MGAM: variants seen among roughly 807,000 people sequenced by gnomAD.
The protein encoded by MGAM is alpha-1,4-glucosidase.
A neutral mutation model predicts 358.8 loss-of-function variants in MGAM; 253 were observed. The ratio of observed to expected loss-of-function variants is 0.71; its 90% CI spans 0.64 to 0.78. The LOEUF (loss-of-function observed/expected upper bound fraction) is 0.78. Among genes scored for constraint, MGAM ranks in the 30% least tolerant of loss-of-function variants. The pLI is 0.00. For missense variants in MGAM, 3,080 were observed against 3,432.6 expected, an observed-to-expected ratio of 0.90 and a Z score of 2.57; for synonymous variants, 1,105 against 1,227.1, an observed-to-expected ratio of 0.90 and a Z score of 2.08.
chr7:142,060,260 T>C (rs1812005020), intron 33 of MGAM, 51 bp from the exon 34 acceptor site: 8 of 1,594,184 alleles, frequency 5.0e-6, no homozygotes, highest in Admixed American at 5.0e-5. Context: ...GGAAATACTA[T>C]GTAAGGGAAA....
At chr7:142,033,889 C>G (rs1807732930) in intron 14 of MGAM, among the ~76,000 whole-genome samples, 1 of 152,134 alleles carries the variant, frequency 6.6e-6, no homozygotes, top group Non-Finnish European at 1.5e-5. Context: ...AATATATGAT[C>G]AGGGGAGAGA....
At chr7:142,056,597 T>G (rs1488197380) in intron 29 of MGAM, among the ~76,000 whole-genome samples, 1 of 152,110 alleles carries the variant, frequency 6.6e-6, no homozygotes, top group East Asian at 1.9e-4. Context: ...AATAATAATT[T>G]TATAAGAGTA....
At chr7:142,041,901 TATATTATATATATA>T (rs1808640403) in intron 21 of MGAM, among the ~76,000 whole-genome samples, 1 of 41,396 alleles carries the variant, frequency 2.4e-5, no homozygotes, top group Non-Finnish European at 3.7e-5. Flanking sequence ...ATATAATATA[TATATTATATATATA>T]CGTATAATAT....
At chr7:142,017,662 A>C (rs1806077089) in intron 3 of MGAM, among the ~76,000 whole-genome samples, 1 of 152,208 alleles carries the variant, frequency 6.6e-6, no homozygotes, top group African/African-American at 2.4e-5. Flanking sequence ...TACAAGAACA[A>C]AGACAAAACC....
rs561976926 is a variant in MGAM at position 142,099,735 on chromosome 7, A to G, written c.7872A>G (p.Leu2624=). 6.2e-7 allele frequency: 1 copy of G among 1,613,796 alleles called. No homozygotes were observed. The highest frequency in any genetic ancestry group is 8.5e-7 in the Non-Finnish European group (1 of 1,179,860). Residue 2624 remains leucine, a splice_region_variant and synonymous_variant, in exon 67 of 71, where the codon TTA becomes TTG. Coordinates refer to ENST00000475668, the MANE Select transcript of MGAM (RefSeq NM_001365693.1). ...AAGAGCCTGCACTGAACACCCACTT[A>G]AGGTAAGTGACAGGACTCAGGTTTT... ...PWQEPALNTH[L]SRQKFMGFKI...
intron 45 of MGAM, 99 bp downstream of exon 45, chr7:142,074,272 C>T (rs1563197657): frequency 5.7e-6 from 5 of 884,338 alleles, no homozygotes; most frequent in Admixed American, 2.4e-5. Context: ...GAAATCTCAG[C>T]AGGCACAGTA....
At chr7:141,995,636 C>T (rs1019721990), upstream of MGAM, among the ~76,000 whole-genome samples, 2 of 152,064 alleles carry the variant, frequency 1.3e-5, no homozygotes, top group Non-Finnish European at 1.5e-5. Flanking sequence ...TCCTCACCAC[C>T]GATTAAACAT....
chr7:142,073,369 G>A (rs1455779870), intron 44 of MGAM, among the ~76,000 whole-genome samples: 2 of 145,910 alleles, frequency 1.4e-5, no homozygotes, highest in African/African-American at 4.9e-5. Context: ...TGGAGAATGT[G>A]AGTCCAGTGA....
chr7:142,000,335 C>T (rs1804633179), intron 1 of MGAM, among the ~76,000 whole-genome samples: 1 of 152,112 alleles, frequency 6.6e-6, no homozygotes, highest in African/African-American at 2.4e-5. Context: ...GACCTCAGTT[C>T]TTTGCTAGAA....
intron 35 of MGAM, among the ~76,000 whole-genome samples, chr7:142,063,216 CA>C (rs11461388): frequency 6.7e-6 from 1 of 148,870 alleles, no homozygotes; most frequent in Non-Finnish European, 1.5e-5. Context: ...AAAACAAAAC[CA>C]AAAAAAAAAC....
In MGAM at chr7:142,078,665, G is replaced by A. The variant is rs1813957007; in HGVS notation, c.5647-143G>A. 8.2e-6 allele frequency: 9 copies of A among 1,097,654 alleles called. No individual in the cohort carries two copies. The African/African-American group carries it at 1.2e-4, about 15-fold the overall frequency. 68.0% of individuals were successfully genotyped at this position (1,097,654 alleles called of 1,614,324 possible). On this transcript the variant is annotated intron_variant, in intron 48 of 70. Coordinates refer to ENST00000475668, the MANE Select transcript of MGAM (RefSeq NM_001365693.1). ...AATAAATATTTTGCTTGGAGACCAG[G>A]AAATTAAATTTATGTTATTGCCAAG...
rs1292478043 is a variant in MGAM at position 142,027,725 on chromosome 7, AG to A, written c.1212del (p.Gln404HisfsTer71). On this transcript the variant is annotated frameshift_variant, in exon 10 of 71. Transcript: ENST00000475668. LOFTEE classifies it high-confidence loss of function. ...REVVERNRAA[Q>X]LPYDVQHADI... ...GTCGTGGAGAGAAATCGCGCAGCAC[AG>A]CTCCCTTATGTAAGCAAGGTTTTCA... 2 of 1,608,452 alleles carry A rather than the reference AG, an allele frequency of 1.2e-6. No homozygotes were observed. Among genetic ancestry groups the A allele is most frequent in the African/African-American group, 2.7e-5 (2 of 74,872 alleles).
chr7:142,084,473 C>T (rs1443405521), intron 53 of MGAM, 46 bp from the exon 54 acceptor site: 1 of 1,528,226 alleles, frequency 6.5e-7, no homozygotes, highest in African/African-American at 1.3e-5. Context: ...AAACTTCAAT[C>T]TGGTGTCTCT....
chr7:142,052,096 G>A (rs1811033407), intron 24 of MGAM, among the ~76,000 whole-genome samples, 198 bp from the exon 25 acceptor site: 1 of 152,100 alleles, frequency 6.6e-6, no homozygotes, highest in Non-Finnish European at 1.5e-5. Context: ...TGTGCTAGAG[G>A]GGAGACATTT....
Position 142,034,272 on chromosome 7 carries a change from T to C in MGAM, c.1680T>C (p.Asp560=). ...NNPPFTPRIL[D]GYLFCKTLCM... Reference sequence around the variant, plus strand: ...CTGCTTTTGTTTCAGGAATCCTGGATGGGTACCTGTTCTGCAAGACTCTCT... The same window carrying C: ...CTGCTTTTGTTTCAGGAATCCTGGACGGGTACCTGTTCTGCAAGACTCTCT... Residue 560 remains aspartate (D), a synonymous_variant, in exon 15 of 71, where the codon GAT becomes GAC. Transcript: ENST00000475668. The C allele has an allele frequency of 1.9e-6, 3 of 1,590,232 alleles. No individual in the cohort carries two copies. Among genetic ancestry groups the C allele is most frequent in the South Asian group, 1.1e-5 (1 of 87,246 alleles).
Position 142,071,135 on chromosome 7 carries a change from AG to A in MGAM, c.5186+19del. ...CCACTTAAGGTGAATGACAGGACTC[AG>A]GTTTTCCTTTACATTTCAGTTAGCT... is the stretch of plus-strand genomic sequence containing the variant. On this transcript the variant is annotated intron_variant, in intron 44 of 70. Transcript: ENST00000475668. The A allele has an allele frequency of 6.5e-7, 1 of 1,542,520 alleles. No homozygotes were observed. Among genetic ancestry groups the A allele is most frequent in the South Asian group, 1.1e-5 (1 of 87,618 alleles).
chr7:142,098,745 C>T (rs1459298896), intron 66 of MGAM, among the ~76,000 whole-genome samples: 2 of 152,126 alleles, frequency 1.3e-5, no homozygotes, highest in Non-Finnish European at 2.9e-5. Flanking sequence ...CCTGAGTGTG[C>T]ATGTTGAGTC....
chr7:142,020,605 T>TATATA (rs59127096), intron 4 of MGAM, among the ~76,000 whole-genome samples: 4 of 107,060 alleles, frequency 3.7e-5, no homozygotes, highest in African/African-American at 1.6e-4. Flanking sequence ...ATATATATAT[T>TATATA]TTTTTTTTTT....
chr7:141,991,986 T>C (rs558225470), upstream of MGAM, among the ~76,000 whole-genome samples: 3 of 152,270 alleles, frequency 2.0e-5, no homozygotes, highest in East Asian at 3.9e-4. Flanking sequence ...AGGGTAGGTG[T>C]TCAATAATTT....
Sources: allele counts gnomAD v4.1 joint callset (sites outside exome capture counted in the v4.1 genomes callset), GRCh38; gene constraint gnomAD v4.1.1; transcripts MANE v1.5; gene names NCBI Gene and HGNC (gene_info 2026-07-23, HGNC 2026-07-21).